The following CFAP54 variants were observed in gnomAD, a reference collection of about 807,000 sequenced individuals.
CFAP54 encodes the protein cilia- and flagella-associated protein 54.
A neutral mutation model predicts 370.4 loss-of-function variants in CFAP54; 290 were observed. The observed-to-expected ratio is 0.78, with a 90% CI of 0.71 to 0.86. CFAP54 has a LOEUF of 0.86. Among genes scored for constraint, CFAP54 ranks in the 40% least tolerant of loss-of-function variants. CFAP54 has a pLI of 0.00. For synonymous variants in CFAP54, 1,206 were observed against 1,236.5 expected (o/e 0.98, Z 0.52); for missense variants, 3,399 against 3,528.7 (o/e 0.96, Z 0.93).
At position 96,658,319 on chromosome 12, in the gene CFAP54, A is replaced by G. The variant is rs749952810; in HGVS notation, c.5433A>G (p.Ala1811=). 6.2e-7 allele frequency: 1 copy of G among 1,614,174 alleles called. No individual in the cohort carries two copies. The highest frequency in any genetic ancestry group is 8.5e-7 in the Non-Finnish European group (1 of 1,180,006). Residue 1811 remains alanine, a synonymous_variant, in exon 38 of 68, where the codon GCA becomes GCG. Transcript: ENST00000524981. ...CAGATATTACCCAACAACCTTGTGC[A>G]AGGTATGAGGCTGAATATGGAGAGA... ...KGPDITQQPC[A]RYEAEYGEKI... is the part of the protein sequence containing the mutation.
intron 63 of CFAP54, among the ~76,000 whole-genome samples, chr12:96,808,318 C>CT (rs957683890): frequency 2.0e-5 from 3 of 152,156 alleles, no homozygotes; most frequent in Non-Finnish European, 4.4e-5. Flanking sequence ...TCCCCTCTCT[C>CT]TAAGTTGGGT....
At chr12:96,608,650 CTG>C (rs1361898635) in intron 26 of CFAP54, among the ~76,000 whole-genome samples, 1 of 151,836 alleles carries the variant, frequency 6.6e-6, no homozygotes, top group Non-Finnish European at 1.5e-5. Flanking sequence ...TTAGTAGAGA[CTG>C]GGTTTCACCA....
chr12:96,658,038 G>C lies in CFAP54; in HGVS notation c.5257G>C (p.Val1753Leu), dbSNP rs1359284191. 1 of 1,613,658 alleles carries C rather than the reference G, an allele frequency of 6.2e-7. No homozygotes were observed. Among genetic ancestry groups the C allele is most frequent in the Admixed American group, 1.7e-5 (1 of 59,962 alleles). The change falls in exon 37 of 68, where the codon GTT (valine) becomes CTT (leucine). Residue 1753 changes from valine to leucine, a missense_variant. Physicochemically the swap from Val to Leu is conservative, Grantham distance 32 (BLOSUM62 1). This residue lies in a region of CFAP54 where 2,796 missense variants were observed against 2,869.7 expected (regional missense o/e 0.97). Coordinates refer to ENST00000524981, the MANE Select transcript of CFAP54 (RefSeq NM_001306084.2). ...IHDFVLKSLE[V>L]LYQVEKWETL... Reference sequence around the variant, plus strand: ...CGACTTTGTATTAAAATCTCTGGAAGTTTTATATCAAGTGGAAAAATGGGA... The same window carrying C: ...CGACTTTGTATTAAAATCTCTGGAACTTTTATATCAAGTGGAAAAATGGGA...
chr12:96,721,386 T>G (rs1957751799), intron 50 of CFAP54, among the ~76,000 whole-genome samples: 1 of 152,004 alleles, frequency 6.6e-6, no homozygotes, highest in Non-Finnish European at 1.5e-5. Flanking sequence ...AGTCAACCAG[T>G]ATCTGTTAAC....
chr12:96,747,592 A>G (rs1958131230), intron 55 of CFAP54, among the ~76,000 whole-genome samples: 1 of 152,148 alleles, frequency 6.6e-6, no homozygotes, highest in Admixed American at 6.5e-5. Context: ...AGTGCTGTGG[A>G]AAAAAAGACT....
At chr12:96,771,273 T>C (rs995202377) in intron 60 of CFAP54, among the ~76,000 whole-genome samples, 14 of 151,958 alleles carry the variant, frequency 9.2e-5, no homozygotes, top group Non-Finnish European at 2.1e-4. Context: ...GGATTCAGAG[T>C]GGGCTTGTCC....
chr12:96,507,187 T>G (rs1438001210), intron 4 of CFAP54, 88 bp downstream of exon 4: 25 of 1,016,242 alleles, frequency 2.5e-5, no homozygotes, highest in Non-Finnish European at 3.4e-5. Context: ...TACCTTGTGA[T>G]TTAAAACATA....
chr12:96,781,290 T>A (rs1302787285), intron 60 of CFAP54, among the ~76,000 whole-genome samples: 1 of 152,168 alleles, frequency 6.6e-6, no homozygotes, highest in Non-Finnish European at 1.5e-5. Context: ...GGGAAAAATA[T>A]TCTTTACGAA....
chr12:96,684,430 A>C (rs563956777), intron 40 of CFAP54, among the ~76,000 whole-genome samples: 7 of 152,024 alleles, frequency 4.6e-5, no homozygotes, highest in East Asian at 1.9e-4. Context: ...CATTATTACT[A>C]TCTGTTAGAG....
At chr12:96,499,054 C>T (rs1289700465) in intron 1 of CFAP54, among the ~76,000 whole-genome samples, 3 of 152,132 alleles carry the variant, frequency 2.0e-5, no homozygotes, top group East Asian at 1.9e-4. Context: ...TCTCAGCTCA[C>T]TGCAATCTCC....
At chr12:96,528,077 A>G (rs756261916) in intron 9 of CFAP54, among the ~76,000 whole-genome samples, 11 of 152,192 alleles carry the variant, frequency 7.2e-5, no homozygotes, top group Non-Finnish European at 1.6e-4. Flanking sequence ...AACACATGGG[A>G]AGAAGTGGTG....
At chr12:96,855,283 C>G (rs1295874472) in intron 66 of CFAP54, among the ~76,000 whole-genome samples, 1 of 152,112 alleles carries the variant, frequency 6.6e-6, no homozygotes, top group Non-Finnish European at 1.5e-5. Context: ...CCATTTCATT[C>G]TGCCCCTGGC....
chr12:96,801,648 G>T (rs1281588377), intron 63 of CFAP54, among the ~76,000 whole-genome samples: 1 of 152,098 alleles, frequency 6.6e-6, no homozygotes, highest in African/African-American at 2.4e-5. Flanking sequence ...CTCTTTTTAG[G>T]ATCCAGCATT....
At chr12:96,748,524 T>C (rs1293755120) in intron 55 of CFAP54, among the ~76,000 whole-genome samples, 4 of 152,198 alleles carry the variant, frequency 2.6e-5, no homozygotes, top group African/African-American at 9.7e-5. Flanking sequence ...TCTTTCTTTT[T>C]AAGTGTTTTC....
At chr12:96,825,219 A>G (rs1024292103) in intron 65 of CFAP54, among the ~76,000 whole-genome samples, 2 of 137,634 alleles carry the variant, frequency 1.5e-5, no homozygotes, top group East Asian at 2.2e-4. Flanking sequence ...ATATATATAT[A>G]TATTCTCTCC....
At chr12:96,701,074 G>A (rs1957486755) in intron 46 of CFAP54, among the ~76,000 whole-genome samples, 1 of 152,178 alleles carries the variant, frequency 6.6e-6, no homozygotes, top group African/African-American at 2.4e-5. Context: ...AATAGGGGAT[G>A]AGGCTATCCA....
At chr12:96,713,922 G>A (rs1352550283) in intron 48 of CFAP54, among the ~76,000 whole-genome samples, 1 of 152,120 alleles carries the variant, frequency 6.6e-6, no homozygotes, top group East Asian at 1.9e-4. Flanking sequence ...GGCTGTCAGG[G>A]AGATAACAGA....
At chr12:96,855,458 G>C (rs1361064469) in intron 66 of CFAP54, among the ~76,000 whole-genome samples, 1 of 152,302 alleles carries the variant, frequency 6.6e-6, no homozygotes, top group East Asian at 1.9e-4. Context: ...TCAAAAGAAG[G>C]TTAGTTACTT....
intron 51 of CFAP54, among the ~76,000 whole-genome samples, chr12:96,741,213 C>T (rs1406569202): frequency 1.3e-5 from 2 of 152,166 alleles, no homozygotes; most frequent in Admixed American, 1.3e-4. Context: ...ATCGCCCAAC[C>T]TGGAATGCAG....
Sources: gnomAD v4.1 joint callset for allele counts (sites outside exome capture counted in the v4.1 genomes callset) on GRCh38, gnomAD v4.1.1 for gene constraint, gnomAD v4.1.1 regional missense constraint, MANE v1.5 for transcripts, NCBI Gene and HGNC (gene_info 2026-07-23, HGNC 2026-07-21) for gene names.